Variants in FHOD3 observed in about 807,000 individuals in gnomAD.
FHOD3 encodes the protein formin homology 2 domain containing 3.
In FHOD3, 90 loss-of-function variants were observed where a neutral mutation model predicts 173.0. The ratio of observed to expected loss-of-function variants is 0.52; its 90% confidence interval spans 0.44 to 0.62. FHOD3 has a LOEUF of 0.62. Ranked by LOEUF, FHOD3 falls within the 20% of genes least tolerant of loss-of-function variation. FHOD3 has a pLI of 0.00. For missense variants in FHOD3, 1,945 were observed against 2,034.7 expected (o/e 0.96, Z 0.85); for synonymous variants, 828 against 823.0 (o/e 1.01, Z -0.10).
intron 1 of FHOD3, among the ~76,000 whole-genome samples, chr18:36,318,735 C>T (rs1207838357): frequency 9.2e-5 from 14 of 152,076 alleles, no homozygotes; most frequent in Admixed American, 8.5e-4. Context: ...GCCTGATTGC[C>T]CTGGCCAGAA....
At chr18:36,533,681 C>CT (rs2056878826) in intron 5 of FHOD3, among the ~76,000 whole-genome samples, 1 of 152,170 alleles carries the variant, frequency 6.6e-6, no homozygotes, top group South Asian at 2.1e-4. Context: ...GGGAAGACGA[C>CT]TTATGTCTTA....
intron 23 of FHOD3, among the ~76,000 whole-genome samples, chr18:36,745,023 G>C (rs1568716551): frequency 6.6e-6 from 1 of 152,156 alleles, no homozygotes; most frequent in African/African-American, 2.4e-5. Context: ...GAAGTACTGG[G>C]GTGTGTTGGA....
chr18:36,607,332 C>T (rs1156844985), intron 8 of FHOD3, among the ~76,000 whole-genome samples: 1 of 152,122 alleles, frequency 6.6e-6, no homozygotes, highest in Non-Finnish European at 1.5e-5. Context: ...CTGGGGTGGC[C>T]AAAAAATCCT....
At chr18:36,412,156 T>C (rs2049385571) in intron 3 of FHOD3, among the ~76,000 whole-genome samples, 1 of 152,178 alleles carries the variant, frequency 6.6e-6, no homozygotes, top group Admixed American at 6.5e-5. Flanking sequence ...TCAGGGTCAT[T>C]GCTTTAGGGG....
intron 2 of FHOD3, among the ~76,000 whole-genome samples, chr18:36,363,323 T>C (rs2046726751): frequency 6.6e-6 from 1 of 152,244 alleles, no homozygotes; most frequent in African/African-American, 2.4e-5. Flanking sequence ...TGAAAACTTA[T>C]GTCCATGGAA....
chr18:36,637,961 C>T (rs2035010331), intron 10 of FHOD3, among the ~76,000 whole-genome samples: 1 of 152,186 alleles, frequency 6.6e-6, no homozygotes, highest in Non-Finnish European at 1.5e-5. Flanking sequence ...GTTGTCAAAT[C>T]ATTTGCTATG....
At chr18:36,416,936 C>T (rs1356116757) in intron 3 of FHOD3, among the ~76,000 whole-genome samples, 1 of 152,048 alleles carries the variant, frequency 6.6e-6, no homozygotes, top group African/African-American at 2.4e-5. Flanking sequence ...TACTTCATTC[C>T]CACCCACCAC....
At chr18:36,681,655 G>A in intron 15 of FHOD3, 85 bp downstream of exon 15, 2 of 1,394,378 alleles carry the variant, frequency 1.4e-6, no homozygotes, top group Admixed American at 2.3e-5. Context: ...TTTAATATTG[G>A]CATTAAAGGA....
At chr18:36,691,997 A>G (rs1327444042) in intron 16 of FHOD3, among the ~76,000 whole-genome samples, 1 of 152,228 alleles carries the variant, frequency 6.6e-6, no homozygotes, top group African/African-American at 2.4e-5. Context: ...CATATCCGAC[A>G]TGAGTTCAGA....
intron 1 of FHOD3, among the ~76,000 whole-genome samples, chr18:36,328,251 C>T (rs1216182419): frequency 6.6e-6 from 1 of 152,092 alleles, no homozygotes. Context: ...TGACAGGGAT[C>T]CTTTTTCATG....
At chr18:36,472,203 T>G (rs1376273504) in intron 3 of FHOD3, among the ~76,000 whole-genome samples, 1 of 152,238 alleles carries the variant, frequency 6.6e-6, no homozygotes, top group Non-Finnish European at 1.5e-5. Flanking sequence ...CGAGTATGAA[T>G]TAGCATCTGG....
chr18:36,389,727 A>T (rs1363618916), intron 3 of FHOD3, among the ~76,000 whole-genome samples: 1 of 152,068 alleles, frequency 6.6e-6, no homozygotes, highest in Non-Finnish European at 1.5e-5. Flanking sequence ...TGCTCTTCCT[A>T]TTCCAGAGAG....
chr18:36,590,547 T>C (rs1307130295), intron 6 of FHOD3, among the ~76,000 whole-genome samples: 1 of 152,224 alleles, frequency 6.6e-6, no homozygotes, highest in Non-Finnish European at 1.5e-5. Flanking sequence ...CTAGTGCTCT[T>C]TTTTCCTAAA....
chr18:36,667,429 T>G (rs1439970248), intron 14 of FHOD3, among the ~76,000 whole-genome samples: 1 of 152,178 alleles, frequency 6.6e-6, no homozygotes, highest in African/African-American at 2.4e-5. Context: ...TAAACAAAGA[T>G]AGAGACATTG....
At position 36,358,825 on chromosome 18, in the gene FHOD3, G is replaced by A. The variant is rs2046479797; in HGVS notation, c.272+3180G>A. Among the ~76,000 whole-genome samples, 5 of 152,058 alleles carry A rather than the reference G, an allele frequency of 3.3e-5. No homozygotes were observed. The South Asian group carries it at 1.0e-3, about 32-fold the overall frequency. On this transcript the variant is annotated intron_variant, in intron 2 of 28. Transcript: ENST00000590592. ...TTTTGTATTTTTTTGTAGAGACGGG[G>A]TCTCCTTATGTTGCCCAGGCTGGTC... is the stretch of plus-strand genomic sequence containing the variant.
chr18:36,747,791 C>A (rs977454791), intron 24 of FHOD3, among the ~76,000 whole-genome samples: 2 of 152,228 alleles, frequency 1.3e-5, no homozygotes, highest in Non-Finnish European at 2.9e-5. Context: ...AGACTAGAAC[C>A]TGGATCTTCT....
chr18:36,345,616 T>G (rs781279503), intron 1 of FHOD3, among the ~76,000 whole-genome samples: 1 of 152,126 alleles, frequency 6.6e-6, no homozygotes, highest in Non-Finnish European at 1.5e-5. Context: ...TTTTAAAAAA[T>G]TTTTAGTAGA....
intron 18 of FHOD3, among the ~76,000 whole-genome samples, chr18:36,715,281 A>G (rs899816245): frequency 1.3e-5 from 2 of 152,186 alleles, no homozygotes; most frequent in Non-Finnish European, 2.9e-5. Flanking sequence ...ACAAGATCTG[A>G]TAGTTTTTTA....
intron 3 of FHOD3, among the ~76,000 whole-genome samples, chr18:36,405,615 C>A (rs923944723): frequency 7.2e-5 from 11 of 151,996 alleles, no homozygotes; most frequent in African/African-American, 9.7e-5. Flanking sequence ...ACAACAACAA[C>A]AAAAAACAGA....
Sources: gnomAD v4.1 joint callset for allele counts (sites outside exome capture counted in the v4.1 genomes callset) on GRCh38, gnomAD v4.1.1 for gene constraint, MANE v1.5 for transcripts, NCBI Gene and HGNC (gene_info 2026-07-23, HGNC 2026-07-21) for gene names.